BCAR3: variants seen among roughly 807,000 people sequenced by gnomAD.
BCAR3 encodes the protein breast cancer anti-estrogen resistance protein 3.
A neutral mutation model predicts 80.1 loss-of-function variants in BCAR3; 37 were observed. The ratio of observed to expected loss-of-function variants is 0.46; its 90% confidence interval spans 0.36 to 0.61. The LOEUF (loss-of-function observed/expected upper bound fraction) is 0.61. Among genes scored for constraint, BCAR3 ranks in the 20% least tolerant of loss-of-function variants. BCAR3 has a pLI of 0.00. For missense variants in BCAR3, 978 were observed against 1,068.2 expected (o/e 0.92, Z 1.18); for synonymous variants, 389 against 418.9 (o/e 0.93, Z 0.87).
Position 93,831,823 on chromosome 1 carries a change from T to C in BCAR3, c.-63+13744A>G, listed in dbSNP as rs149236800. Among the ~76,000 whole-genome samples the C allele has an allele frequency of 2.7e-3, 409 of 152,192 alleles. 3 individuals are homozygous for C. The highest frequency in any genetic ancestry group is 9.4e-3 in the African/African-American group (390 of 41,526). ...CCGGCTTACTGTTTCTTTCCGCAAC[T>C]AGCCCTCCCCGACCTGCCCAACAAT... On this transcript the variant is annotated intron_variant, in intron 2 of 13. Coordinates refer to the BCAR3 transcript ENST00000370244.
At chr1:93,703,192 A>G (rs1047393954) in intron 3 of BCAR3, among the ~76,000 whole-genome samples, 1 of 152,240 alleles carries the variant, frequency 6.6e-6, no homozygotes, top group African/African-American at 2.4e-5. Context: ...TCTCACTTGA[A>G]GACATAAAAA....
At chr1:93,782,274 T>C (rs924249099) in intron 2 of BCAR3, among the ~76,000 whole-genome samples, 8 of 152,210 alleles carry the variant, frequency 5.3e-5, no homozygotes, top group African/African-American at 1.7e-4. Context: ...GTGTCCCTCC[T>C]GTGAGCAGTA....
At chr1:93,582,255 C>T (rs1459391692) in intron 7 of BCAR3, 46 bp downstream of exon 7, 10 of 1,581,376 alleles carry the variant, frequency 6.3e-6, no homozygotes, top group Non-Finnish European at 8.6e-6. Context: ...CTAGCTCTTA[C>T]CAAACCTTGA....
chr1:93,568,947 G>T (rs1287604916), intron 9 of BCAR3, among the ~76,000 whole-genome samples: 1 of 152,132 alleles, frequency 6.6e-6, no homozygotes, highest in Non-Finnish European at 1.5e-5. Flanking sequence ...TCAGCCTTCT[G>T]AGTAGCTGGG....
chr1:93,754,564 G>C (rs1359710152), intron 2 of BCAR3, among the ~76,000 whole-genome samples: 1 of 152,124 alleles, frequency 6.6e-6, no homozygotes, highest in Non-Finnish European at 1.5e-5. Flanking sequence ...TACAGTCAAT[G>C]ATGACTCACA....
chr1:93,840,066 A>G lies in BCAR3; in HGVS notation c.-63+5501T>C, dbSNP rs146003253. 3.4e-3 allele frequency among the ~76,000 whole-genome samples: 514 copies of G among 152,314 alleles called. 2 individuals are homozygous for G. The highest frequency in any genetic ancestry group is 7.5e-3 in the South Asian group (36 of 4,816). ...TATGAGAATCACCTAGGGAGTTTAAAAAAAATGCTGATGCCAGGGTCCCAT... is the reference window on the plus strand; with the variant it reads ...TATGAGAATCACCTAGGGAGTTTAAGAAAAATGCTGATGCCAGGGTCCCAT... On this transcript the variant is annotated intron_variant, in intron 2 of 13. Transcript: ENST00000370244.
intron 3 of BCAR3, among the ~76,000 whole-genome samples, chr1:93,691,453 G>T (rs916945947): frequency 6.6e-6 from 1 of 152,308 alleles, no homozygotes; most frequent in East Asian, 1.9e-4. Context: ...CCTTTCTCTC[G>T]GCTGTTTAAG....
chr1:93,764,740 G>C (rs1652081312), intron 2 of BCAR3, among the ~76,000 whole-genome samples: 1 of 152,214 alleles, frequency 6.6e-6, no homozygotes, highest in Middle Eastern at 3.4e-3. Flanking sequence ...CACCTACCTG[G>C]GTTCTTCAGT....
At chr1:93,606,695 T>C (rs1674780648) in intron 3 of BCAR3, among the ~76,000 whole-genome samples, 1 of 151,814 alleles carries the variant, frequency 6.6e-6, no homozygotes, top group Non-Finnish European at 1.5e-5. Context: ...GAGTCCTCAG[T>C]ATAGAGGGGT....
In BCAR3 at chr1:93,779,016, C is replaced by T. The variant is rs189407812; in HGVS notation, c.-63+66551G>A. Among the ~76,000 whole-genome samples, 7 of 152,210 alleles carry T rather than the reference C, an allele frequency of 4.6e-5. No individual in the cohort carries two copies. The East Asian group carries it at 1.2e-3, about 25-fold the overall frequency. The stretch of plus-strand genomic sequence containing the variant: ...TCTCAGGTTCTGATATCTTGGCCAA[C>T]ATCAGAAAAAGCAGTTGAGGAGGAT... On this transcript the variant is annotated intron_variant, in intron 2 of 13. Transcript: ENST00000370244.
intron 2 of BCAR3, among the ~76,000 whole-genome samples, chr1:93,742,026 C>A (rs997099277): frequency 1.3e-5 from 2 of 152,206 alleles, no homozygotes; most frequent in Non-Finnish European, 2.9e-5. Context: ...CCTGCCTCCA[C>A]CACATGGTGT....
intron 2 of BCAR3, among the ~76,000 whole-genome samples, chr1:93,765,644 A>G (rs1188921047): frequency 6.6e-6 from 1 of 151,214 alleles, no homozygotes; most frequent in African/African-American, 2.4e-5. Context: ...TGGTAAGAAC[A>G]CTTAACATAA....
chr1:93,581,598 C>T (rs544471265), intron 7 of BCAR3, among the ~76,000 whole-genome samples: 29 of 152,056 alleles, frequency 1.9e-4, no homozygotes, highest in African/African-American at 5.8e-4. Flanking sequence ...TTAGTAGAGA[C>T]GGGGTTTCTC....
intron 2 of BCAR3, among the ~76,000 whole-genome samples, chr1:93,710,160 G>A (rs1467323609): frequency 6.6e-6 from 1 of 152,156 alleles, no homozygotes; most frequent in African/African-American, 2.4e-5. Context: ...GTGGGAAGCT[G>A]GGAAGCTGGG....
At chr1:93,822,821 C>CCCCCAGGCCATGCGAGCAGAGGAG (rs1489191561) in intron 2 of BCAR3, among the ~76,000 whole-genome samples, 2 of 136,674 alleles carry the variant, frequency 1.5e-5, no homozygotes, top group Non-Finnish European at 3.3e-5. Context: ...ACCTACCCAT[C>CCCCCAGGCCATGCGAGCAGAGGAG]AACTCATCAC....
intron 2 of BCAR3, among the ~76,000 whole-genome samples, chr1:93,748,073 T>A (rs568333345): frequency 2.0e-5 from 3 of 152,334 alleles, no homozygotes; most frequent in African/African-American, 7.2e-5. Flanking sequence ...AACAGAGTCC[T>A]AGGTGCCTCC....
intron 3 of BCAR3, among the ~76,000 whole-genome samples, chr1:93,598,440 G>A (rs1041009222): frequency 2.0e-5 from 3 of 152,224 alleles, no homozygotes; most frequent in Non-Finnish European, 2.9e-5. Context: ...TGTGCAAATC[G>A]GCAGGAAAGA....
chr1:93,657,769 C>T (rs963774769), intron 2 of BCAR3, among the ~76,000 whole-genome samples: 1 of 151,844 alleles, frequency 6.6e-6, no homozygotes. Context: ...ATAATCCTCA[C>T]CTTTTCATAA....
intron 3 of BCAR3, among the ~76,000 whole-genome samples, chr1:93,609,826 T>C (rs996251638): frequency 6.6e-6 from 1 of 152,128 alleles, no homozygotes; most frequent in Admixed American, 6.5e-5. Context: ...AGAAGGCCAA[T>C]TCTCCTCCTT....
Sources: gnomAD v4.1 joint callset for allele counts (sites outside exome capture counted in the v4.1 genomes callset) on GRCh38, gnomAD v4.1.1 for gene constraint, MANE v1.5 for transcripts, NCBI Gene and HGNC (gene_info 2026-07-23, HGNC 2026-07-21) for gene names.